The following GRIK2 variants were observed in gnomAD, a reference collection of about 807,000 sequenced individuals.
GRIK2 encodes the protein glutamate receptor ionotropic, kainate 2.
A neutral mutation model predicts 100.3 loss-of-function variants in GRIK2; 32 were observed. The ratio of observed to expected loss-of-function variants is 0.32; its 90% confidence interval spans 0.24 to 0.43. The LOEUF is 0.43. Ranked by LOEUF, GRIK2 falls within the 20% of genes least tolerant of loss-of-function variation. The probability of loss-of-function intolerance (pLI) is 1.00; values close to 1 mark genes in which losing one functional copy is unlikely to be tolerated. For missense variants in GRIK2, 843 were observed against 1,114.9 expected (o/e 0.76, Z 3.47); for synonymous variants, 417 against 389.4 (o/e 1.07, Z -0.83).
intron 4 of GRIK2, among the ~76,000 whole-genome samples, chr6:101,672,487 A>G (rs1770513322): frequency 6.6e-6 from 1 of 152,144 alleles, no homozygotes; most frequent in Non-Finnish European, 1.5e-5. Flanking sequence ...TTTCTGCCTG[A>G]TATTTTGCCC....
intron 12 of GRIK2, among the ~76,000 whole-genome samples, chr6:101,914,111 A>C (rs1788939431): frequency 6.6e-6 from 1 of 151,408 alleles, no homozygotes; most frequent in South Asian, 2.1e-4. Context: ...TAATAAGGGG[A>C]GTGTGAAATA....
chr6:101,579,920 T>C (rs1374688704), intron 2 of GRIK2, among the ~76,000 whole-genome samples: 1 of 152,022 alleles, frequency 6.6e-6, no homozygotes, highest in Non-Finnish European at 1.5e-5. Context: ...TCTGGGCTTC[T>C]ACAGTCCCAT....
intron 14 of GRIK2, among the ~76,000 whole-genome samples, chr6:101,948,742 T>C (rs1791434130): frequency 6.6e-6 from 1 of 151,936 alleles, no homozygotes; most frequent in Non-Finnish European, 1.5e-5. Context: ...CCCAAAGCGT[T>C]GGGATTACAG....
chr6:101,679,842 C>A (rs1416437642), intron 5 of GRIK2, among the ~76,000 whole-genome samples: 2 of 152,148 alleles, frequency 1.3e-5, no homozygotes, highest in Non-Finnish European at 2.9e-5. Context: ...TGGGTTCAAG[C>A]AATTCTCTGC....
rs548290693 is a variant in GRIK2, at chr6:101,503,317, G to A, written c.115+103925G>A. On this transcript the variant is annotated intron_variant, in intron 2 of 16. Transcript: ENST00000369134. The stretch of plus-strand genomic sequence containing the variant: ...TGAGCAGGAGGTGAGAGCACAGATA[G>A]TGTAGACTACTCCTTTTCAAGACAT... Among the ~76,000 whole-genome samples, 825 of 152,254 alleles carry A rather than the reference G, an allele frequency of 5.4e-3. 8 individuals carry two copies. The highest frequency in any genetic ancestry group is 0.019 in the African/African-American group (786 of 41,552).
chr6:101,755,552 GAGA>G (rs1217900124), intron 7 of GRIK2, among the ~76,000 whole-genome samples: 1 of 152,082 alleles, frequency 6.6e-6, no homozygotes, highest in Non-Finnish European at 1.5e-5. Context: ...GAGAGTTTTC[GAGA>G]AGATTTTTCC....
intron 4 of GRIK2, among the ~76,000 whole-genome samples, chr6:101,630,910 C>T (rs1455308095): frequency 6.6e-6 from 1 of 151,766 alleles, no homozygotes; most frequent in East Asian, 1.9e-4. Context: ...CTGTTGCTCC[C>T]ATTTGTATTC....
At chr6:101,480,738 T>C (rs1244626577) in intron 2 of GRIK2, among the ~76,000 whole-genome samples, 1 of 152,112 alleles carries the variant, frequency 6.6e-6, no homozygotes, top group Non-Finnish European at 1.5e-5. Flanking sequence ...GAAAAAAAAC[T>C]GGGATAAATG....
At chr6:101,761,024 G>T (rs1777624162) in intron 7 of GRIK2, among the ~76,000 whole-genome samples, 1 of 152,000 alleles carries the variant, frequency 6.6e-6, no homozygotes, top group Non-Finnish European at 1.5e-5. Flanking sequence ...TGATTCTTCA[G>T]AAATGAATCT....
At chr6:101,501,571 A>G (rs377208715) in intron 2 of GRIK2, among the ~76,000 whole-genome samples, 35 of 152,296 alleles carry the variant, frequency 2.3e-4, no homozygotes, top group African/African-American at 7.9e-4. Flanking sequence ...ATTCAAATTG[A>G]CAAGTGAGGC....
At chr6:101,453,260 C>T (rs1053485894) in intron 2 of GRIK2, among the ~76,000 whole-genome samples, 2 of 151,350 alleles carry the variant, frequency 1.3e-5, no homozygotes, top group African/African-American at 4.8e-5. Context: ...TCAGATTTAT[C>T]CATCCCTGGC....
chr6:101,911,510 A>G (rs1415386191), intron 12 of GRIK2, among the ~76,000 whole-genome samples: 5 of 151,564 alleles, frequency 3.3e-5, no homozygotes, highest in Admixed American at 2.0e-4. Context: ...GCTGACTTAA[A>G]GATTATCCTA....
intron 2 of GRIK2, among the ~76,000 whole-genome samples, chr6:101,605,493 A>C (rs996800855): frequency 6.6e-6 from 1 of 151,948 alleles, no homozygotes; most frequent in Non-Finnish European, 1.5e-5. Flanking sequence ...TTAAATAATT[A>C]TATCTATCCA....
chr6:101,590,354 A>G (rs1778582765), intron 2 of GRIK2, among the ~76,000 whole-genome samples: 2 of 152,052 alleles, frequency 1.3e-5, no homozygotes, highest in South Asian at 4.1e-4. Context: ...ATAGCAGAGG[A>G]AAAGGCTTCT....
chr6:101,421,368 G>T (rs559080057), intron 2 of GRIK2, among the ~76,000 whole-genome samples: 7 of 152,306 alleles, frequency 4.6e-5, no homozygotes, highest in African/African-American at 1.7e-4. Flanking sequence ...GGGTTTACTC[G>T]CACGGAAGAA....
intron 7 of GRIK2, among the ~76,000 whole-genome samples, chr6:101,784,210 G>T (rs2128403445): frequency 6.6e-6 from 1 of 152,330 alleles, no homozygotes; most frequent in East Asian, 1.9e-4. Flanking sequence ...GGCTTCATGG[G>T]CCAGGCCCAG....
chr6:101,890,145 A>G, intron 12 of GRIK2: 1 of 250,554 alleles, frequency 4.0e-6, no homozygotes, highest in African/African-American at 2.2e-5. Context: ...TGATAAATGA[A>G]TCATTGCCTC....
chr6:101,609,095 A>C (rs9390762), intron 2 of GRIK2, among the ~76,000 whole-genome samples: 52,243 of 151,538 alleles, frequency 0.34, 9,323 homozygotes, highest in African/African-American at 0.43. Context: ...TTTGCATGCA[A>C]ACTCATATAT....
chr6:101,588,687 A>C (rs1229471523), intron 2 of GRIK2, among the ~76,000 whole-genome samples: 2 of 77,968 alleles, frequency 2.6e-5, no homozygotes, highest in African/African-American at 1.1e-4. Flanking sequence ...CACACACAGA[A>C]AAGAAAGAAA....
Sources: gnomAD v4.1 joint callset for allele counts (sites outside exome capture counted in the v4.1 genomes callset) on GRCh38, gnomAD v4.1.1 for gene constraint, MANE v1.5 for transcripts, NCBI Gene and HGNC (gene_info 2026-07-23, HGNC 2026-07-21) for gene names.